The following ZAN variants were observed in gnomAD, a reference collection of about 807,000 sequenced individuals.
ZAN encodes zonadhesin (gene/pseudogene).
A neutral mutation model predicts 286.2 loss-of-function variants in ZAN; 260 were observed. The observed-to-expected ratio is 0.91, with a 90% CI of 0.82 to 1.01. The LOEUF (loss-of-function observed/expected upper bound fraction) is 1.01. Among genes scored for constraint, ZAN ranks in the 50% least tolerant of loss-of-function variants. The pLI, the probability that ZAN is intolerant of heterozygous loss-of-function variation, is 0.00. For missense variants in ZAN, 3,410 were observed against 3,639.2 expected, an observed-to-expected ratio of 0.94 and a Z score of 1.62; for synonymous variants, 1,368 against 1,417.5, an observed-to-expected ratio of 0.97 and a Z score of 0.79.
intron 26 of ZAN, 50 bp downstream of exon 26, chr7:100,768,061 G>A (rs754258422): frequency 6.4e-7 from 1 of 1,567,822 alleles, no homozygotes; most frequent in South Asian, 1.2e-5. Context: ...GAGTAGGCGT[G>A]TGACCTGGTC....
chr7:100,791,887 C>T lies in ZAN; in HGVS notation c.7530-79C>T, dbSNP rs1421602113. ...GGACTCCAGGCAGCCACCACCATGC[C>T]CGGCTAATCAGTTCTTCTTCTTCCC... On this transcript the variant is annotated intron_variant, in intron 40 of 47. Coordinates refer to ENST00000613979, the MANE Select transcript of ZAN (RefSeq NM_003386.3). The T allele has an allele frequency of 7.5e-6, 11 of 1,476,048 alleles. No homozygotes were observed. The South Asian group carries it at 1.4e-4, about 19-fold the overall frequency. The allele number at this position is 1,476,048 out of a possible 1,614,324, so 91.4% of individuals were successfully genotyped here. A position where few individuals can be genotyped will look rare whatever the true frequency, so the allele number is the denominator to read the frequency against.
At chr7:100,773,987 A>C (rs1030950235) in intron 31 of ZAN, 122 bp downstream of exon 31, 1 of 1,379,744 alleles carries the variant, frequency 7.2e-7, no homozygotes, top group Non-Finnish European at 9.7e-7. Context: ...CTCTGCTGCA[A>C]CCAAGAGCTT....
intron 29 of ZAN, among the ~76,000 whole-genome samples, chr7:100,772,910 C>T (rs1246638162): frequency 3.8e-5 from 5 of 130,304 alleles, no homozygotes; most frequent in African/African-American, 1.4e-4. Context: ...GTCTCGCTGT[C>T]GCCCAGGCTG....
In ZAN at chr7:100,744,898, T is replaced by A. The variant is rs185408385; in HGVS notation, c.767-1640T>A. On this transcript the variant is annotated intron_variant, in intron 7 of 47. Transcript: ENST00000613979. ...TTTTTTTGTTGTTGTTGTTTGTTTG[T>A]TTTTTGAGACAGTCTCGCTCTGTCG... Among the ~76,000 whole-genome samples the A allele has an allele frequency of 6.6e-5, 10 of 151,286 alleles. No individual in the cohort carries two copies. The East Asian group carries it at 1.9e-3, about 29-fold the overall frequency.
Position 100,750,059 on chromosome 7 carries a change from AACACACACAC to A in ZAN, c.1250-535_1250-526del, listed in dbSNP as rs373704697. 1.3e-3 allele frequency among the ~76,000 whole-genome samples: 165 copies of A among 122,300 alleles called. 1 individual carries two copies. The highest frequency in any genetic ancestry group is 4.5e-3 in the African/African-American group (145 of 32,200). The allele number at this position is 122,300 out of a possible 152,430, so 80.2% of individuals were successfully genotyped here. A position where few individuals can be genotyped will look rare whatever the true frequency, so the allele number is the denominator to read the frequency against. ...GAGCGAGACTCCATCTCAAAAAAAC[AACACACACAC>A]ACACACACACACACACACACACACA... is the stretch of plus-strand genomic sequence containing the variant. On this transcript the variant is annotated intron_variant, in intron 11 of 47. Transcript: ENST00000613979.
Position 100,750,870 on chromosome 7 carries a change from C to T in ZAN, c.1495C>T (p.Pro499Ser). ...PYWQNTSVTV[P>S]SGHQQPMQLI... Reference sequence around the variant, plus strand: ...CTGGCAGAACACCTCCGTCACCGTCCCCTCAGGACACCAACAGCCCATGCA... The same window carrying T: ...CTGGCAGAACACCTCCGTCACCGTCTCCTCAGGACACCAACAGCCCATGCA... Residue 499 changes from proline (P) to serine (S), a missense_variant, in exon 12 of 48, where the codon CCC (proline) becomes TCC (serine). This residue lies in a region of ZAN where 872 missense variants were observed against 938.9 expected (regional missense o/e 0.93). Transcript: ENST00000613979. 1.9e-6 allele frequency: 3 copies of T among 1,561,204 alleles called. No individual in the cohort carries two copies. Among genetic ancestry groups the T allele is most frequent in the Non-Finnish European group, 2.6e-6 (3 of 1,151,310 alleles).
chr7:100,739,352 A>G (rs1562912057), intron 7 of ZAN, among the ~76,000 whole-genome samples: 1 of 137,672 alleles, frequency 7.3e-6, no homozygotes, highest in African/African-American at 2.6e-5. Flanking sequence ...AGCACCTACA[A>G]TATGCCAGGT....
At chr7:100,744,000 A>T (rs1808000936) in intron 7 of ZAN, among the ~76,000 whole-genome samples, 1 of 150,222 alleles carries the variant, frequency 6.7e-6, no homozygotes, top group Admixed American at 6.7e-5. Context: ...TACAGGTGTG[A>T]GCTGCCACGC....
intron 29 of ZAN, among the ~76,000 whole-genome samples, chr7:100,772,534 A>G (rs1810441966): frequency 6.6e-6 from 1 of 152,048 alleles, no homozygotes; most frequent in South Asian, 2.1e-4. Flanking sequence ...ACATTTAAAA[A>G]ATTGTTGCCG....
intron 28 of ZAN, 67 bp from the exon 29 acceptor site, chr7:100,771,777 G>T: frequency 2.0e-6 from 3 of 1,512,434 alleles, no homozygotes; most frequent in Non-Finnish European, 1.8e-6. Flanking sequence ...TCAGCCCCAG[G>T]GAAGCCACAT....
chr7:100,737,180 A>T (rs1219178284), intron 5 of ZAN, 82 bp from the exon 6 acceptor site: 2 of 1,415,968 alleles, frequency 1.4e-6, no homozygotes, highest in East Asian at 2.5e-5. Context: ...GGGCCAAGCC[A>T]TCTGAATTCA....
Position 100,775,837 on chromosome 7 carries a change from AG to A in ZAN, c.6192+6del. The stretch of plus-strand genomic sequence containing the variant: ...CCCCACAACCTACTATGGAAAGGTG[AG>A]GAAAACATCTGGCTCTTCTCGCTGG... On this transcript the variant is annotated splice_donor_5th_base_variant and intron_variant, in intron 33 of 47. Transcript: ENST00000613979. 1 of 1,613,402 alleles carries A rather than the reference AG, an allele frequency of 6.2e-7. No homozygotes were observed. Among genetic ancestry groups the A allele is most frequent in the Non-Finnish European group, 8.5e-7 (1 of 1,179,696 alleles).
rs557469328 is a variant in ZAN, at chr7:100,755,410, G to T, written c.3309G>T (p.Glu1103Asp). Reference protein sequence around the residue: ...CNCFYNNDYYEPGAEWFSPNC... With the variant: ...CNCFYNNDYYDPGAEWFSPNC... ...GCTTCTACAACAACGACTACTATGA[G>T]GTAAGCCCCCCGGGATGCTGGGGTC... The change falls in exon 15 of 48, where the codon GAG becomes GAT. Residue 1103 changes from glutamate (E) to aspartate (D), a missense_variant and splice_region_variant. Physicochemically the swap from Glu to Asp is conservative, Grantham distance 45. Around this residue, in one of 7 missense-constraint regions of ZAN, gnomAD observed 1,042 missense variants for 1,058.0 expected, o/e 0.98. Coordinates refer to ENST00000613979, the MANE Select transcript of ZAN (RefSeq NM_003386.3). 2 of 1,612,498 alleles carry T rather than the reference G, an allele frequency of 1.2e-6. No individual in the cohort carries two copies. Among genetic ancestry groups the T allele is most frequent in the East Asian group, 2.2e-5 (1 of 44,870 alleles).
At chr7:100,768,063 G>A (rs1172533275) in intron 26 of ZAN, 52 bp downstream of exon 26, 2 of 1,560,764 alleles carry the variant, frequency 1.3e-6, no homozygotes, top group Admixed American at 1.9e-5. Flanking sequence ...GTAGGCGTGT[G>A]ACCTGGTCCC....
chr7:100,766,932 C>G, intron 24 of ZAN, 78 bp from the exon 25 acceptor site: 1 of 1,583,434 alleles, frequency 6.3e-7, no homozygotes, highest in Non-Finnish European at 8.6e-7. Context: ...AATGTGGGCT[C>G]TCCAGGATGG....
intron 7 of ZAN, among the ~76,000 whole-genome samples, chr7:100,743,359 G>C (rs1290942545): frequency 6.6e-6 from 1 of 151,868 alleles, no homozygotes; most frequent in Non-Finnish European, 1.5e-5. Flanking sequence ...TCTATCCCTA[G>C]CTTCTTTCCA....
chr7:100,762,118 G>A (rs1383252226), intron 19 of ZAN, 97 bp from the exon 20 acceptor site: 6 of 1,518,576 alleles, frequency 4.0e-6, no homozygotes, highest in Non-Finnish European at 5.4e-6. Flanking sequence ...CACGCCCTCT[G>A]TTTTAGGATC....
At chr7:100,737,767 TA>T (rs1026417106) in intron 6 of ZAN, among the ~76,000 whole-genome samples, 2 of 135,206 alleles carry the variant, frequency 1.5e-5, no homozygotes, top group African/African-American at 5.4e-5. Context: ...GTCTGCCAGG[TA>T]GAGCTATTAG....
rs192810636 is a variant in ZAN, at chr7:100,754,941, C to T, written c.3125-285C>T. 7.0e-3 allele frequency among the ~76,000 whole-genome samples: 1,069 copies of T among 152,120 alleles called. 8 individuals carry two copies. Among genetic ancestry groups the T allele is most frequent in the Non-Finnish European group, 9.9e-3 (674 of 67,996 alleles). On this transcript the variant is annotated intron_variant, in intron 14 of 47. Coordinates refer to ENST00000613979, the MANE Select transcript of ZAN (RefSeq NM_003386.3). Reference sequence around the variant, plus strand: ...ACAGGCGTGAGCCACCGTGCCTAGCCTAAAATTGTTTTATTTTTAAATTTG... The same window carrying T: ...ACAGGCGTGAGCCACCGTGCCTAGCTTAAAATTGTTTTATTTTTAAATTTG...
Sources: gnomAD v4.1 joint callset for allele counts (sites outside exome capture counted in the v4.1 genomes callset) on GRCh38, gnomAD v4.1.1 for gene constraint, gnomAD v4.1.1 regional missense constraint, MANE v1.5 for transcripts, NCBI Gene and HGNC (gene_info 2026-07-23, HGNC 2026-07-21) for gene names.